The following EXOC6B variants were observed in gnomAD, a reference collection of about 807,000 sequenced individuals.
EXOC6B encodes the protein SEC15 homolog B.
A neutral mutation model predicts 113.5 loss-of-function variants in EXOC6B; 54 were observed. The ratio of observed to expected loss-of-function variants is 0.48; its 90% confidence interval spans 0.38 to 0.60. EXOC6B has a LOEUF of 0.60. Ranked by LOEUF, EXOC6B falls within the 20% of genes least tolerant of loss-of-function variation. EXOC6B has a pLI of 0.00. For synonymous variants in EXOC6B, 357 were observed against 339.0 expected (o/e 1.05, Z -0.58); for missense variants, 797 against 977.5 (o/e 0.82, Z 2.46).
intron 19 of EXOC6B, among the ~76,000 whole-genome samples, chr2:72,365,510 G>T (rs1264135544): frequency 6.6e-6 from 1 of 152,172 alleles, no homozygotes; most frequent in Non-Finnish European, 1.5e-5. Flanking sequence ...GTGCTATAAA[G>T]CAGGCAAAGG....
At chr2:72,680,460 C>T (rs1207663556) in intron 6 of EXOC6B, among the ~76,000 whole-genome samples, 1 of 152,170 alleles carries the variant, frequency 6.6e-6, no homozygotes, top group African/African-American at 2.4e-5. Flanking sequence ...TTTGATCTGG[C>T]CTGGCTCAGT....
At chr2:72,752,596 C>T (rs1003134985) in intron 1 of EXOC6B, among the ~76,000 whole-genome samples, 2 of 150,932 alleles carry the variant, frequency 1.3e-5, no homozygotes, top group Non-Finnish European at 3.0e-5. Flanking sequence ...CCCTCCCTCC[C>T]TCACCCCTGC....
chr2:72,386,225 G>A (rs1461167016), intron 18 of EXOC6B, among the ~76,000 whole-genome samples: 1 of 151,436 alleles, frequency 6.6e-6, no homozygotes, highest in East Asian at 1.9e-4. Context: ...AAAAAAAAAT[G>A]ATGTAAAACA....
chr2:72,413,658 G>A (rs193023618), intron 18 of EXOC6B, among the ~76,000 whole-genome samples: 1 of 150,674 alleles, frequency 6.6e-6, no homozygotes, highest in African/African-American at 2.5e-5. Flanking sequence ...ACTCCAGCCT[G>A]GTGACAGAAC....
intron 20 of EXOC6B, among the ~76,000 whole-genome samples, chr2:72,234,181 G>A (rs1393858299): frequency 4.7e-5 from 7 of 149,518 alleles, no homozygotes; most frequent in Admixed American, 1.3e-4. Flanking sequence ...CCGTCCCCCC[G>A]GTTTAAGCAA....
At chr2:72,674,028 T>C (rs974606095) in intron 6 of EXOC6B, among the ~76,000 whole-genome samples, 1 of 152,078 alleles carries the variant, frequency 6.6e-6, no homozygotes, top group Non-Finnish European at 1.5e-5. Flanking sequence ...ATGAAACGAT[T>C]TGGGGGGGGT....
intron 20 of EXOC6B, among the ~76,000 whole-genome samples, chr2:72,193,471 G>C (rs774316121): frequency 6.6e-6 from 1 of 152,110 alleles, no homozygotes; most frequent in Non-Finnish European, 1.5e-5. Flanking sequence ...ATGCAAAGCA[G>C]GGCTTATTTC....
intron 6 of EXOC6B, among the ~76,000 whole-genome samples, chr2:72,593,446 C>A (rs551290423): frequency 5.3e-4 from 80 of 152,166 alleles, no homozygotes; most frequent in African/African-American, 1.8e-3. Context: ...GATAGTATCA[C>A]AATTGCGTTA....
chr2:72,479,068 T>C (rs1698920103), intron 17 of EXOC6B, among the ~76,000 whole-genome samples: 2 of 152,236 alleles, frequency 1.3e-5, no homozygotes. Context: ...CAGGGCCTTT[T>C]TATTAAGTCA....
At chr2:72,544,807 T>C (rs1032401977) in intron 8 of EXOC6B, among the ~76,000 whole-genome samples, 2 of 152,122 alleles carry the variant, frequency 1.3e-5, no homozygotes, top group Non-Finnish European at 2.9e-5. Flanking sequence ...ATACACCATT[T>C]CCCATTTCTC....
At chr2:72,660,366 C>T (rs1032695720) in intron 6 of EXOC6B, among the ~76,000 whole-genome samples, 1 of 152,088 alleles carries the variant, frequency 6.6e-6, no homozygotes, top group African/African-American at 2.4e-5. Flanking sequence ...TTAATAAGAA[C>T]AGTATAGAAA....
intron 6 of EXOC6B, among the ~76,000 whole-genome samples, chr2:72,643,506 C>A (rs868418898): frequency 6.7e-6 from 1 of 148,196 alleles, no homozygotes; most frequent in Admixed American, 6.7e-5. Flanking sequence ...AGTAAACTAT[C>A]GCAAGAACAA....
intron 20 of EXOC6B, among the ~76,000 whole-genome samples, chr2:72,316,675 C>T (rs899754967): frequency 1.3e-5 from 2 of 152,174 alleles, no homozygotes; most frequent in Non-Finnish European, 2.9e-5. Context: ...CTATGTTACC[C>T]ACTGAGGGAT....
At chr2:72,621,326 A>AAAT (rs1391736534) in intron 6 of EXOC6B, among the ~76,000 whole-genome samples, 2 of 152,198 alleles carry the variant, frequency 1.3e-5, no homozygotes, top group Non-Finnish European at 2.9e-5. Context: ...ATGAAGCCAT[A>AAAT]AAAAAGAATG....
chr2:72,454,418 T>C (rs941651012), intron 18 of EXOC6B, among the ~76,000 whole-genome samples: 2 of 152,076 alleles, frequency 1.3e-5, no homozygotes, highest in African/African-American at 4.8e-5. Flanking sequence ...TGTGGGCGGA[T>C]TGCTTGAGCT....
intron 21 of EXOC6B, among the ~76,000 whole-genome samples, chr2:72,182,411 C>T (rs1164431592): frequency 2.6e-5 from 4 of 152,058 alleles, no homozygotes; most frequent in African/African-American, 7.2e-5. Flanking sequence ...ATTTAAGCAC[C>T]ACCTCAAAGG....
At position 72,256,916 on chromosome 2, in the gene EXOC6B, AGGCT is replaced by A. The variant is rs545491930; in HGVS notation, c.2197-72733_2197-72730del. Reference sequence around the variant, plus strand: ...GCTGTGTATATGTATGAACACAAGGAGGCTGAATGTAAAAGCAGGTATCTGGAAT... The same window carrying A: ...GCTGTGTATATGTATGAACACAAGGAGAATGTAAAAGCAGGTATCTGGAAT... On this transcript the variant is annotated intron_variant, in intron 20 of 21. Coordinates refer to ENST00000272427, the MANE Select transcript of EXOC6B (RefSeq NM_015189.3). 1.8e-3 allele frequency among the ~76,000 whole-genome samples: 270 copies of A among 152,320 alleles called. 6 individuals carry two copies. The East Asian group carries it at 0.048, about 27-fold the overall frequency.
At chr2:72,783,318 C>CTTT (rs70963146) in intron 1 of EXOC6B, among the ~76,000 whole-genome samples, 68 of 60,358 alleles carry the variant, frequency 1.1e-3, no homozygotes, top group East Asian at 2.2e-3. Flanking sequence ...TTTTTCTTTT[C>CTTT]TTTTTTTTTT....
chr2:72,733,828 A>T (rs1296059272), intron 2 of EXOC6B, among the ~76,000 whole-genome samples: 1 of 152,212 alleles, frequency 6.6e-6, no homozygotes, highest in East Asian at 1.9e-4. Context: ...AGCAATACTA[A>T]CTTCTAAAAT....
Sources: allele counts gnomAD v4.1 joint callset (sites outside exome capture counted in the v4.1 genomes callset), GRCh38; gene constraint gnomAD v4.1.1; transcripts MANE v1.5; gene names NCBI Gene and HGNC (gene_info 2026-07-23, HGNC 2026-07-21).